The following KLHL29 variants were observed in gnomAD, a reference collection of about 807,000 sequenced individuals.
KLHL29 encodes kelch like family member 29.
KLHL29 carries 21 observed loss-of-function variants against 80.4 expected under a neutral mutation model. The observed-to-expected ratio is 0.26, with a 90% CI of 0.19 to 0.38. The LOEUF is 0.38. Among genes scored for constraint, KLHL29 ranks in the 10% least tolerant of loss-of-function variants. The pLI is 1.00. For missense variants in KLHL29, 867 were observed against 1,223.9 expected (o/e 0.71, Z 4.35); for synonymous variants, 511 against 526.8 (o/e 0.97, Z 0.41).
intron 3 of KLHL29, among the ~76,000 whole-genome samples, chr2:23,620,943 G>T (rs1669164847): frequency 6.6e-6 from 1 of 152,248 alleles, no homozygotes; most frequent in African/African-American, 2.4e-5. Flanking sequence ...TACCCACGGG[G>T]ATGACCCCGC....
rs76563833 is a variant in KLHL29 at position 23,508,409 on chromosome 2, C to T, written c.-46+32742C>T. On this transcript the variant is annotated intron_variant, in intron 2 of 13. Coordinates refer to ENST00000486442, the MANE Select transcript of KLHL29 (RefSeq NM_052920.2). ...TAATGCTGCCCGATGGGACCTCTAC[C>T]GGGCTTTCTGCTCATACAGAAGCTC... is the stretch of plus-strand genomic sequence containing the variant. Among the ~76,000 whole-genome samples, 917 of 152,334 alleles carry T rather than the reference C, an allele frequency of 6.0e-3. 7 individuals are homozygous for T. The highest frequency in any genetic ancestry group is 0.021 in the African/African-American group (859 of 41,568).
At chr2:23,633,765 G>C (rs1669533569) in intron 3 of KLHL29, among the ~76,000 whole-genome samples, 1 of 151,548 alleles carries the variant, frequency 6.6e-6, no homozygotes, top group South Asian at 2.1e-4. Flanking sequence ...TCGTGTGTGT[G>C]TGTGTGTGTG....
intron 3 of KLHL29, among the ~76,000 whole-genome samples, chr2:23,611,793 C>A (rs577882170): frequency 6.6e-6 from 1 of 151,162 alleles, no homozygotes; most frequent in East Asian, 1.9e-4. Context: ...AGCAGAGAAC[C>A]AGAAACTATA....
chr2:23,545,593 G>A (rs1234488635), intron 2 of KLHL29, among the ~76,000 whole-genome samples: 1 of 152,184 alleles, frequency 6.6e-6, no homozygotes, highest in African/African-American at 2.4e-5. Flanking sequence ...AGCGAAAGGG[G>A]GTGCTGGCAT....
intron 1 of KLHL29, among the ~76,000 whole-genome samples, chr2:23,401,922 C>A (rs952804235): frequency 6.6e-6 from 1 of 152,224 alleles, no homozygotes; most frequent in South Asian, 2.1e-4. Flanking sequence ...GCGTGGGAGT[C>A]CCCAGCTGAC....
intron 3 of KLHL29, among the ~76,000 whole-genome samples, chr2:23,567,954 TA>T (rs1339354016): frequency 2.0e-5 from 3 of 152,228 alleles, no homozygotes; most frequent in African/African-American, 7.2e-5. Context: ...AGTACTGAGC[TA>T]ATGGGTTTTG....
chr2:23,625,332 A>G (rs189792772), intron 3 of KLHL29, among the ~76,000 whole-genome samples: 141 of 152,390 alleles, frequency 9.3e-4, no homozygotes, highest in African/African-American at 3.3e-3. Context: ...TAAGTGGAAC[A>G]AGCTATTTCT....
intron 3 of KLHL29, among the ~76,000 whole-genome samples, chr2:23,619,621 C>T (rs950511561): frequency 2.2e-5 from 3 of 136,238 alleles, no homozygotes; most frequent in African/African-American, 7.5e-5. Flanking sequence ...GGGGAGAAGC[C>T]TCCTCCCCTT....
chr2:23,586,494 G>A (rs1184614273), intron 3 of KLHL29, among the ~76,000 whole-genome samples: 2 of 151,006 alleles, frequency 1.3e-5, no homozygotes, highest in African/African-American at 4.9e-5. Flanking sequence ...CAAGTAGCTG[G>A]GATTACAGGC....
intron 1 of KLHL29, among the ~76,000 whole-genome samples, chr2:23,396,506 C>A (rs720247): frequency 0.068 from 10,305 of 152,162 alleles, 633 homozygotes; most frequent in African/African-American, 0.17. Context: ...GCTTTTCAAA[C>A]CAAAATTAAG....
intron 1 of KLHL29, among the ~76,000 whole-genome samples, chr2:23,424,901 A>G (rs1662964860): frequency 1.3e-5 from 2 of 152,220 alleles, no homozygotes. Flanking sequence ...CGGGTCACAA[A>G]AGCAGTTTTT....
At chr2:23,513,352 A>G (rs1434503675) in intron 2 of KLHL29, among the ~76,000 whole-genome samples, 3 of 152,156 alleles carry the variant, frequency 2.0e-5, no homozygotes, top group Non-Finnish European at 4.4e-5. Context: ...GAGTCCCTGA[A>G]TTACCCATAT....
At chr2:23,396,039 T>C (rs1276326499) in intron 1 of KLHL29, among the ~76,000 whole-genome samples, 1 of 152,232 alleles carries the variant, frequency 6.6e-6, no homozygotes, top group Non-Finnish European at 1.5e-5. Flanking sequence ...GCAGTTGTCT[T>C]GCCAAAGCAA....
intron 1 of KLHL29, among the ~76,000 whole-genome samples, chr2:23,443,492 T>G (rs1326839221): frequency 1.3e-5 from 2 of 152,090 alleles, no homozygotes; most frequent in Non-Finnish European, 2.9e-5. Context: ...AACCCTCCAC[T>G]TTTTTCCCTT....
intron 1 of KLHL29, among the ~76,000 whole-genome samples, chr2:23,470,840 C>G (rs2103434989): frequency 6.6e-6 from 1 of 152,350 alleles, no homozygotes; most frequent in South Asian, 2.1e-4. Flanking sequence ...CGGACCCCGG[C>G]TCATGAACTG....
chr2:23,611,217 C>T (rs560554419), intron 3 of KLHL29, among the ~76,000 whole-genome samples: 10 of 152,228 alleles, frequency 6.6e-5, no homozygotes, highest in East Asian at 1.9e-4. Flanking sequence ...CACAGAGGCC[C>T]GTGGAGGTAA....
At chr2:23,507,182 C>G (rs1558364765) in intron 2 of KLHL29, 1 of 375,068 alleles carries the variant, frequency 2.7e-6, no homozygotes, top group Non-Finnish European at 6.1e-6. Flanking sequence ...CCATCATAGC[C>G]TTCCTGGTGC....
rs1335082551 is a variant in KLHL29 at position 23,670,911 on chromosome 2, G to T, written c.941-13488G>T. 2.1e-4 allele frequency among the ~76,000 whole-genome samples: 7 copies of T among 33,090 alleles called. 1 individual carries two copies. The highest frequency in any genetic ancestry group is 3.7e-3 in the East Asian group (1 of 268). 21.7% of individuals were successfully genotyped at this position (33,090 alleles called of 152,430 possible). ...AGAAGGGAGGGGTCTCTACACACAT[G>T]CACGCGCTCTCTCTCTCTCTCTCTC... is the stretch of plus-strand genomic sequence containing the variant. On this transcript the variant is annotated intron_variant, in intron 5 of 13. Coordinates refer to ENST00000486442, the MANE Select transcript of KLHL29 (RefSeq NM_052920.2).
chr2:23,498,704 A>G (rs1486698625), intron 2 of KLHL29, among the ~76,000 whole-genome samples: 3 of 152,250 alleles, frequency 2.0e-5, no homozygotes, highest in African/African-American at 7.2e-5. Flanking sequence ...GCTGTTGAAC[A>G]CTTAGAATGT....
Sources: allele counts gnomAD v4.1 joint callset (sites outside exome capture counted in the v4.1 genomes callset), GRCh38; gene constraint gnomAD v4.1.1; transcripts MANE v1.5; gene names NCBI Gene and HGNC (gene_info 2026-07-23, HGNC 2026-07-21).